Variants in PTGDS observed in about 807,000 individuals in gnomAD.
PTGDS encodes prostaglandin-H2 D-isomerase.
Under a neutral mutation model 28.4 loss-of-function variants are expected in PTGDS, and 21 were observed. That is an observed-to-expected ratio of 0.74 (90% CI 0.52 to 1.07). The LOEUF (loss-of-function observed/expected upper bound fraction) is 1.07. PTGDS is among the 50% of genes least tolerant of loss of function. The pLI, the probability that PTGDS is intolerant of heterozygous loss-of-function variation, is 0.00. For synonymous variants in PTGDS, 102 were observed against 106.0 expected (o/e 0.96, Z 0.23); for missense variants, 243 against 247.7 (o/e 0.98, Z 0.13).
Position 136,978,775 on chromosome 9 carries a change from G to A in PTGDS, c.115-218G>A, listed in dbSNP as rs1162090510. 10 of 559,174 alleles carry A rather than the reference G, an allele frequency of 1.8e-5. No homozygotes were observed. The Admixed American group carries it at 2.6e-4, about 15-fold the overall frequency. 34.6% of individuals were successfully genotyped at this position (559,174 alleles called of 1,614,324 possible). On this transcript the variant is annotated intron_variant, in intron 1 of 6. Coordinates refer to ENST00000371625, the MANE Select transcript of PTGDS (RefSeq NM_000954.6). ...GAGGGGCGTGGTCAGCTCCTGGGGC[G>A]GAGATGTGAGGGGCGGGGTCATCTC...
At chr9:136,979,444 G>C (rs1021860454) in intron 3 of PTGDS, 145 bp downstream of exon 3, 1 of 1,550,256 alleles carries the variant, frequency 6.5e-7, no homozygotes, top group African/African-American at 1.4e-5. Context: ...GGCCAGGCCT[G>C]GGCGTGACTA....
chr9:136,978,489 T>A (rs1280159828), intron 1 of PTGDS, among the ~76,000 whole-genome samples: 1 of 63,992 alleles, frequency 1.6e-5, no homozygotes, highest in Non-Finnish European at 3.1e-5. Flanking sequence ...TGGGGCGTGG[T>A]CATCTCCTGG....
At position 136,978,810 on chromosome 9, in the gene PTGDS, G is replaced by A. The variant is rs1342227104; in HGVS notation, c.115-183G>A. On this transcript the variant is annotated intron_variant, in intron 1 of 6. Coordinates refer to ENST00000371625, the MANE Select transcript of PTGDS (RefSeq NM_000954.6). ...GGGGCGGGGTCATCTCCTGGGGCGG[G>A]GATTGAGGGGCGGGGGTCAGTTCCT... 1.0e-5 allele frequency: 8 copies of A among 793,336 alleles called. No homozygotes were observed. The Admixed American group carries it at 1.9e-4, about 19-fold the overall frequency. 49.1% of individuals were successfully genotyped at this position (793,336 alleles called of 1,614,324 possible).
chr9:136,980,601 C>T, intron 5 of PTGDS: 4 of 1,460,996 alleles, frequency 2.7e-6, no homozygotes, highest in Non-Finnish European at 3.7e-6. Flanking sequence ...ACCAACCATA[C>T]TGGGCTCAGG....
intron 6 of PTGDS, among the ~76,000 whole-genome samples, chr9:136,981,273 G>A (rs975200286): frequency 1.3e-5 from 2 of 152,260 alleles, no homozygotes; most frequent in African/African-American, 2.4e-5. Context: ...GGCCAAGGAC[G>A]CTACATGGAT....
At chr9:136,978,067 T>C (rs1162231160) in intron 1 of PTGDS, among the ~76,000 whole-genome samples, 2 of 151,778 alleles carry the variant, frequency 1.3e-5, no homozygotes, top group Non-Finnish European at 2.9e-5. Context: ...CGACAAACAC[T>C]CCGTGCGCGG....
At chr9:136,977,786 C>A (rs975550178) in intron 1 of PTGDS, 94 bp downstream of exon 1, 4 of 1,191,342 alleles carry the variant, frequency 3.4e-6, no homozygotes, top group African/African-American at 1.6e-5. Context: ...GAGGAGTGAG[C>A]GAAGTCCCGC....
intron 1 of PTGDS, 91 bp from the exon 2 acceptor site, chr9:136,978,902 C>T: frequency 1.3e-6 from 2 of 1,540,196 alleles, no homozygotes; most frequent in African/African-American, 1.4e-5. Flanking sequence ...GGTTGGAGAC[C>T]GGAGGAGTAG....
chr9:136,981,341 G>A (rs1420685047), intron 6 of PTGDS, among the ~76,000 whole-genome samples: 1 of 152,112 alleles, frequency 6.6e-6, no homozygotes, highest in African/African-American at 2.4e-5. Flanking sequence ...CCCCCAGGAG[G>A]GAGGCCTAGG....
chr9:136,978,424 C>T, intron 1 of PTGDS, among the ~76,000 whole-genome samples: 2 of 145,876 alleles, frequency 1.4e-5, no homozygotes, highest in East Asian at 2.1e-4. Context: ...AGGGGCGTGG[C>T]CAGCTTCTGG....
intron 5 of PTGDS, 25 bp from the exon 6 acceptor site, chr9:136,980,808 C>CT (rs1830439369): frequency 1.9e-6 from 3 of 1,613,876 alleles, no homozygotes; most frequent in African/African-American, 2.7e-5. Context: ...GTTCTGACGA[C>CT]AGCCCCTGGC....
chr9:136,977,717 C>G (rs1318684551), intron 1 of PTGDS, 25 bp downstream of exon 1: 1 of 1,541,562 alleles, frequency 6.5e-7, no homozygotes, highest in Admixed American at 1.9e-5. Context: ...TGCGTCATCC[C>G]CAAGGGCTAC....
In PTGDS at chr9:136,978,040, G is replaced by A. The variant is rs144528676; in HGVS notation, c.114+348G>A. Among the ~76,000 whole-genome samples, 607 of 152,338 alleles carry A rather than the reference G, an allele frequency of 4.0e-3. 2 individuals carry two copies. The highest frequency in any genetic ancestry group is 0.014 in the African/African-American group (585 of 41,578). ...CACCTGGGTGCCAGGACACGGGCGG[G>A]TGGGGCACAGGGATGGCGACAAACA... On this transcript the variant is annotated intron_variant, in intron 1 of 6. Transcript: ENST00000371625.
At position 136,979,953 on chromosome 9, in the gene PTGDS, C is replaced by T. The variant is rs1461428930; in HGVS notation, c.339C>T (p.Gly113=). Residue 113 remains glycine, a synonymous_variant, in exon 4 of 7, where the codon GGC becomes GGT. Coordinates refer to ENST00000371625, the MANE Select transcript of PTGDS (RefSeq NM_000954.6). ...GSYSYRSPHW[G]STYSVSVVET... Reference sequence around the variant, plus strand: ...TGTCTCTTGGGTTCCCAGACTGGGGCAGCACCTACTCCGTGTCAGTGGTGG... The same window carrying T: ...TGTCTCTTGGGTTCCCAGACTGGGGTAGCACCTACTCCGTGTCAGTGGTGG... 1.2e-6 allele frequency: 2 copies of T among 1,613,192 alleles called. No homozygotes were observed. Among genetic ancestry groups the T allele is most frequent in the Admixed American group, 3.3e-5 (2 of 60,016 alleles).
chr9:136,979,768 G>C, intron 3 of PTGDS, 178 bp from the exon 4 acceptor site: 1 of 702,218 alleles, frequency 1.4e-6, no homozygotes, highest in Non-Finnish European at 2.5e-6. Flanking sequence ...TGGGGACAGG[G>C]TTCACAGGCT....
At chr9:136,981,302 G>C (rs550851337) in intron 6 of PTGDS, among the ~76,000 whole-genome samples, 1 of 152,256 alleles carries the variant, frequency 6.6e-6, no homozygotes, top group Non-Finnish European at 1.5e-5. Context: ...ACAGCTCGGA[G>C]AGCAGGCTCA....
intron 6 of PTGDS, 103 bp downstream of exon 6, chr9:136,980,958 G>GT: frequency 6.9e-7 from 1 of 1,439,182 alleles, no homozygotes; most frequent in Non-Finnish European, 9.3e-7. Flanking sequence ...CCCCAGGACA[G>GT]CCTGGTGCTG....
intron 6 of PTGDS, among the ~76,000 whole-genome samples, 152 bp from the exon 7 acceptor site, chr9:136,981,427 C>T (rs1386850266): frequency 6.6e-6 from 1 of 152,056 alleles, no homozygotes; most frequent in Non-Finnish European, 1.5e-5. Context: ...GGATCCAAGC[C>T]CCAGGGATGG....
At chr9:136,980,390 T>C in intron 5 of PTGDS, 106 bp downstream of exon 5, 1 of 1,263,002 alleles carries the variant, frequency 7.9e-7, no homozygotes, top group Non-Finnish European at 1.1e-6. Flanking sequence ...CCCGCCCTGC[T>C]CGAGGCCTGG....
Sources: gnomAD v4.1 joint callset for allele counts (sites outside exome capture counted in the v4.1 genomes callset) on GRCh38, gnomAD v4.1.1 for gene constraint, MANE v1.5 for transcripts, NCBI Gene and HGNC (gene_info 2026-07-23, HGNC 2026-07-21) for gene names.